Variants in ERBB4 observed in about 807,000 individuals in gnomAD.
ERBB4 encodes the protein erb-b2 receptor tyrosine kinase 4.
Under a neutral mutation model 158.0 loss-of-function variants are expected in ERBB4, and 42 were observed. The ratio of observed to expected loss-of-function variants is 0.27; its 90% CI spans 0.21 to 0.34. ERBB4 has a LOEUF of 0.34. Among genes scored for constraint, ERBB4 ranks in the 10% least tolerant of loss-of-function variants. The pLI, the probability that ERBB4 is intolerant of heterozygous loss-of-function variation, is 1.00. For synonymous variants in ERBB4, 583 were observed against 558.7 expected (o/e 1.04, Z -0.61); for missense variants, 1,333 against 1,624.1 (o/e 0.82, Z 3.08).
chr2:211,960,268 G>C (rs1042669117), intron 2 of ERBB4, among the ~76,000 whole-genome samples: 2 of 151,976 alleles, frequency 1.3e-5, no homozygotes, highest in South Asian at 2.1e-4. Flanking sequence ...CATGTCAAAA[G>C]GGCTCAAGAA....
intron 5 of ERBB4, among the ~76,000 whole-genome samples, chr2:211,734,646 C>T (rs1298750538): frequency 5.0e-5 from 6 of 120,740 alleles, no homozygotes; most frequent in South Asian, 5.4e-4. Flanking sequence ...AAAAGCTGGG[C>T]GCGGTGGCTC....
At chr2:212,287,595 T>C (rs915333819) in intron 1 of ERBB4, among the ~76,000 whole-genome samples, 1 of 152,032 alleles carries the variant, frequency 6.6e-6, no homozygotes, top group Non-Finnish European at 1.5e-5. Context: ...TATTTCCCTA[T>C]CAATAGTGAT....
At chr2:211,957,611 T>C (rs2081069500) in intron 2 of ERBB4, among the ~76,000 whole-genome samples, 1 of 152,088 alleles carries the variant, frequency 6.6e-6, no homozygotes, top group East Asian at 1.9e-4. Context: ...GGTCTCCAAA[T>C]CCTAGGATTA....
At chr2:212,340,282 C>T (rs938989642) in intron 1 of ERBB4, among the ~76,000 whole-genome samples, 1 of 152,078 alleles carries the variant, frequency 6.6e-6, no homozygotes, top group African/African-American at 2.4e-5. Flanking sequence ...CCCAACCTTT[C>T]GGGCATCAGG....
At chr2:211,427,216 CT>C (rs60781653) in intron 22 of ERBB4, among the ~76,000 whole-genome samples, 39,276 of 151,230 alleles carry the variant, frequency 0.26, 6,279 homozygotes, top group Non-Finnish European at 0.34. Flanking sequence ...TGGTTTATAT[CT>C]TTTTTTTTCC....
intron 20 of ERBB4, among the ~76,000 whole-genome samples, chr2:211,550,142 C>T (rs565436045): frequency 3.8e-4 from 58 of 152,204 alleles, no homozygotes; most frequent in Middle Eastern, 3.4e-3. Flanking sequence ...CTTCACCTCA[C>T]CCTAGTCCCC....
At chr2:212,332,237 G>A (rs7581146) in intron 1 of ERBB4, among the ~76,000 whole-genome samples, 50 of 152,104 alleles carry the variant, frequency 3.3e-4, no homozygotes, top group Non-Finnish European at 5.1e-4. Context: ...TTTTATAAGG[G>A]GGAAACCCAT....
At chr2:212,425,999 G>A (rs901077798) in intron 1 of ERBB4, among the ~76,000 whole-genome samples, 3 of 151,896 alleles carry the variant, frequency 2.0e-5, no homozygotes, top group South Asian at 2.1e-4. Flanking sequence ...CAATGTTCAC[G>A]TATTCAATCA....
chr2:211,562,110 C>T, intron 19 of ERBB4, 22 bp from the exon 20 acceptor site: 2 of 1,605,132 alleles, frequency 1.2e-6, no homozygotes, highest in Non-Finnish European at 1.7e-6. Flanking sequence ...AAATGCAATA[C>T]CATGATTTCA....
chr2:212,109,207 C>CTA (rs2079325982), intron 2 of ERBB4, among the ~76,000 whole-genome samples: 1 of 152,062 alleles, frequency 6.6e-6, no homozygotes, highest in Non-Finnish European at 1.5e-5. Flanking sequence ...GCCAATGGCC[C>CTA]GGTTCCTAGA....
rs762987711 is a variant in ERBB4, at chr2:211,713,506, C to G, written c.997+29G>C. The G allele has an allele frequency of 4.4e-6, 6 of 1,358,948 alleles. No homozygotes were observed. In the African/African-American group the frequency reaches 8.6e-5, roughly 19 times the overall value. 84.2% of individuals were successfully genotyped at this position (1,358,948 alleles called of 1,614,324 possible). A position where few individuals can be genotyped will look rare whatever the true frequency, so the allele number is the denominator to read the frequency against. On this transcript the variant is annotated intron_variant, in intron 8 of 27. Coordinates refer to ENST00000342788, the MANE Select transcript of ERBB4 (RefSeq NM_005235.3). ...AAAACCTTGTTATATAGGCCCAGTT[C>G]TAACTAAATAATCTGAGCTACCACT...
intron 22 of ERBB4, among the ~76,000 whole-genome samples, chr2:211,425,622 A>C (rs1264884918): frequency 6.6e-6 from 1 of 151,188 alleles, no homozygotes; most frequent in Non-Finnish European, 1.5e-5. Flanking sequence ...TACTTACAGA[A>C]TATATATATA....
chr2:211,463,521 A>T (rs748501560), intron 20 of ERBB4, among the ~76,000 whole-genome samples: 2 of 152,132 alleles, frequency 1.3e-5, no homozygotes, highest in Non-Finnish European at 2.9e-5. Context: ...AGATGGTAAA[A>T]TTGGGGCTGA....
At chr2:212,010,569 A>G (rs2076362020) in intron 2 of ERBB4, among the ~76,000 whole-genome samples, 1 of 152,154 alleles carries the variant, frequency 6.6e-6, no homozygotes, top group Non-Finnish European at 1.5e-5. Flanking sequence ...ATACGGGTCC[A>G]ACAAAGATCC....
At chr2:211,693,581 G>T (rs565301280) in intron 12 of ERBB4, among the ~76,000 whole-genome samples, 1 of 152,094 alleles carries the variant, frequency 6.6e-6, no homozygotes, top group Non-Finnish European at 1.5e-5. Context: ...ATAGAACGAT[G>T]GGGGAATAAT....
intron 2 of ERBB4, among the ~76,000 whole-genome samples, chr2:212,058,392 A>G (rs1204411240): frequency 6.7e-6 from 1 of 148,378 alleles, no homozygotes; most frequent in East Asian, 1.9e-4. Flanking sequence ...TCCTTATAAA[A>G]CTATTCCAAT....
intron 22 of ERBB4, among the ~76,000 whole-genome samples, chr2:211,427,922 T>C (rs1262645940): frequency 6.8e-6 from 1 of 146,950 alleles, no homozygotes; most frequent in Non-Finnish European, 1.5e-5. Context: ...TATTAGTATA[T>C]TACATTGTAA....
intron 2 of ERBB4, among the ~76,000 whole-genome samples, chr2:212,048,358 G>T: frequency 6.6e-6 from 1 of 152,198 alleles, no homozygotes; most frequent in East Asian, 1.9e-4. Context: ...TGTAAAGTAA[G>T]AATTGCAGGG....
intron 3 of ERBB4, among the ~76,000 whole-genome samples, chr2:211,924,486 A>T (rs950259030): frequency 6.6e-6 from 1 of 152,164 alleles, no homozygotes; most frequent in Non-Finnish European, 1.5e-5. Flanking sequence ...AAAAAAATAA[A>T]AGCACATAAA....
Sources: gnomAD v4.1 joint callset for allele counts (sites outside exome capture counted in the v4.1 genomes callset) on GRCh38, gnomAD v4.1.1 for gene constraint, MANE v1.5 for transcripts, NCBI Gene and HGNC (gene_info 2026-07-23, HGNC 2026-07-21) for gene names.